The following ENPEP variants were observed in gnomAD, a reference collection of about 807,000 sequenced individuals.
ENPEP encodes the protein AP-A.
ENPEP carries 103 observed loss-of-function variants against 114.5 expected under a neutral mutation model. The observed-to-expected ratio is 0.90, with a 90% confidence interval of 0.77 to 1.06. The LOEUF is 1.06. Among genes scored for constraint, ENPEP ranks in the 50% least tolerant of loss-of-function variants. ENPEP has a pLI of 0.00. For synonymous variants in ENPEP, 420 were observed against 422.0 expected (o/e 1.00, Z 0.06); for missense variants, 1,196 against 1,161.3 (o/e 1.03, Z -0.43).
rs1174280007 is a variant in ENPEP at position 110,543,016 on chromosome 4, C to T, written c.1946C>T (p.Thr649Ile). ...IATALSLNHK[T>I]FSSADRASLI... ...ATCTCTCTTTCTCCCTCTTCCCAGACATTTTCTTCAGCAGATCGTGCAAGT... is the reference window on the plus strand; with the variant it reads ...ATCTCTCTTTCTCCCTCTTCCCAGATATTTTCTTCAGCAGATCGTGCAAGT... Residue 649 changes from threonine (T) to isoleucine (I), a missense_variant and splice_region_variant, in exon 13 of 20, where the codon ACA becomes ATA. Thr to Ile is a moderately conservative substitution (Grantham distance 89). Transcript: ENST00000265162. 2 of 1,612,954 alleles carry T rather than the reference C, an allele frequency of 1.2e-6. No homozygotes were observed. Among genetic ancestry groups the T allele is most frequent in the Non-Finnish European group, 1.7e-6 (2 of 1,179,320 alleles).
At chr4:110,494,223 C>G (rs773108490) in intron 3 of ENPEP, among the ~76,000 whole-genome samples, 11 of 152,178 alleles carry the variant, frequency 7.2e-5, no homozygotes, top group Non-Finnish European at 1.6e-4. Flanking sequence ...AACTGGAGCT[C>G]AATATGCTTA....
intron 7 of ENPEP, 49 bp from the exon 8 acceptor site, chr4:110,515,327 TC>T: frequency 6.9e-7 from 1 of 1,454,466 alleles, no homozygotes; most frequent in Non-Finnish European, 9.6e-7. Flanking sequence ...TGATCATTGT[TC>T]CTTACATAGC....
intron 4 of ENPEP, among the ~76,000 whole-genome samples, chr4:110,509,129 C>G (rs1020920295): frequency 4.6e-5 from 7 of 152,290 alleles, no homozygotes; most frequent in African/African-American, 1.7e-4. Flanking sequence ...TAGTCAACTC[C>G]ATGTTTCTCC....
At chr4:110,549,273 C>CTGAGT (rs1440263916) in intron 14 of ENPEP, 73 bp from the exon 15 acceptor site, 1 of 1,197,508 alleles carries the variant, frequency 8.4e-7, no homozygotes, top group Non-Finnish European at 1.2e-6. Flanking sequence ...ACAGGGGCTG[C>CTGAGT]TGAGTATAAT....
chr4:110,478,724 C>T (rs1724202363), intron 1 of ENPEP, among the ~76,000 whole-genome samples: 1 of 152,188 alleles, frequency 6.6e-6, no homozygotes, highest in Admixed American at 6.5e-5. Context: ...TAGGCATGAG[C>T]CACTGCACAC....
intron 18 of ENPEP, among the ~76,000 whole-genome samples, chr4:110,558,306 G>T (rs13122726): frequency 0.18 from 25,239 of 137,880 alleles, 2,583 homozygotes; most frequent in Middle Eastern, 0.27. Context: ...ATTTTTTTTT[G>T]AGACAAGGTC....
intron 3 of ENPEP, among the ~76,000 whole-genome samples, chr4:110,498,451 T>C (rs1008914567): frequency 3.3e-5 from 5 of 152,218 alleles, no homozygotes; most frequent in Non-Finnish European, 7.4e-5. Flanking sequence ...ATATAATTTA[T>C]CATCTATAAA....
intron 2 of ENPEP, among the ~76,000 whole-genome samples, chr4:110,490,367 T>C (rs1724660716): frequency 6.6e-6 from 1 of 152,094 alleles, no homozygotes; most frequent in Admixed American, 6.5e-5. Context: ...CCATCCCAAA[T>C]AGAGTGGCTG....
At position 110,506,671 on chromosome 4, in the gene ENPEP, C is replaced by A. The variant is rs1010673823; in HGVS notation, c.953C>A (p.Thr318Lys). Residue 318 changes from threonine (T) to lysine (K), a missense_variant, in exon 4 of 20, where the codon ACA becomes AAA. Transcript: ENST00000265162. Reference sequence around the variant, plus strand: ...TATGTCCAGCCAGAGCAAAAGCACACAGCCGAATATGCTGCAAACATAACT... The same window carrying A: ...TATGTCCAGCCAGAGCAAAAGCACAAAGCCGAATATGCTGCAAACATAACT... ...TIYVQPEQKH[T>K]AEYAANITKS... 6.2e-7 allele frequency: 1 copy of A among 1,611,522 alleles called. No individual in the cohort carries two copies. Among genetic ancestry groups the A allele is most frequent in the Non-Finnish European group, 8.5e-7 (1 of 1,178,764 alleles).
At chr4:110,503,136 T>C (rs1409333847) in intron 3 of ENPEP, among the ~76,000 whole-genome samples, 1 of 152,110 alleles carries the variant, frequency 6.6e-6, no homozygotes, top group African/African-American at 2.4e-5. Context: ...TTCCCACCTA[T>C]GAGTGAGAAT....
rs112382806 is a variant in ENPEP, at chr4:110,537,965, A to G, written c.1808-4786A>G. Among the ~76,000 whole-genome samples, 590 of 152,320 alleles carry G rather than the reference A, an allele frequency of 3.9e-3. 1 individual carries two copies. The highest frequency in any genetic ancestry group is 0.013 in the African/African-American group (560 of 41,564). On this transcript the variant is annotated intron_variant, in intron 11 of 19. Transcript: ENST00000265162. ...CAGGTCTCAACAATGGGCATAAAAT[A>G]TTCAGTAAACCATTCTATTAACAGA...
intron 8 of ENPEP, chr4:110,519,115 A>T: frequency 2.2e-6 from 1 of 455,724 alleles, no homozygotes; most frequent in Non-Finnish European, 4.4e-6. Context: ...TAACCAAAAG[A>T]ACAAATATGG....
At chr4:110,533,213 A>G (rs1578411133) in intron 11 of ENPEP, 2 of 309,198 alleles carry the variant, frequency 6.5e-6, no homozygotes, top group East Asian at 1.6e-4. Flanking sequence ...TTTCCATACA[A>G]GTGAATTTTC....
At chr4:110,541,859 T>C (rs1308002301) in intron 11 of ENPEP, among the ~76,000 whole-genome samples, 2 of 152,142 alleles carry the variant, frequency 1.3e-5, no homozygotes, top group African/African-American at 2.4e-5. Context: ...GAGTGTATGA[T>C]GTATGAACTG....
At chr4:110,548,153 T>G (rs777605969) in intron 13 of ENPEP, 23 bp from the exon 14 acceptor site, 31 of 1,196,308 alleles carry the variant, frequency 2.6e-5, no homozygotes, top group East Asian at 1.3e-4. Context: ...TTTTTTTTTT[T>G]TTTTTTTTTT....
chr4:110,529,935 G>A (rs1279791149), intron 10 of ENPEP, among the ~76,000 whole-genome samples: 1 of 152,104 alleles, frequency 6.6e-6, no homozygotes, highest in African/African-American at 2.4e-5. Flanking sequence ...AATTGGTTGG[G>A]TGTGGTGGCA....
chr4:110,513,658 A>C, intron 7 of ENPEP, 109 bp downstream of exon 7: 1 of 1,380,590 alleles, frequency 7.2e-7, no homozygotes, highest in Non-Finnish European at 9.9e-7. Flanking sequence ...GAGCTTTGGA[A>C]AACAGTGTAG....
At chr4:110,535,948 T>C (rs1294222959) in intron 11 of ENPEP, among the ~76,000 whole-genome samples, 11 of 151,942 alleles carry the variant, frequency 7.2e-5, no homozygotes, top group Admixed American at 6.6e-4. Flanking sequence ...TAAATTATTT[T>C]AGTTAACATA....
At chr4:110,520,764 C>T (rs2110363690) in intron 10 of ENPEP, among the ~76,000 whole-genome samples, 1 of 152,226 alleles carries the variant, frequency 6.6e-6, no homozygotes, top group East Asian at 1.9e-4. Flanking sequence ...GTTCTAGGTA[C>T]AGTGTTAGCA....
Sources: gnomAD v4.1 joint callset for allele counts (sites outside exome capture counted in the v4.1 genomes callset) on GRCh38, gnomAD v4.1.1 for gene constraint, MANE v1.5 for transcripts, NCBI Gene and HGNC (gene_info 2026-07-23, HGNC 2026-07-21) for gene names.